The following SCAF1 variants were observed in gnomAD, a reference collection of about 807,000 sequenced individuals.
The protein encoded by SCAF1 is splicing factor, arginine/serine-rich 19.
Under a neutral mutation model 91.2 loss-of-function variants are expected in SCAF1, and 28 were observed. That is an observed-to-expected ratio of 0.31 (90% CI 0.23 to 0.42). The LOEUF (loss-of-function observed/expected upper bound fraction) is 0.42, where lower values mean the gene tolerates loss of function less well. SCAF1 is among the 10% of genes least tolerant of loss of function. SCAF1 has a pLI of 1.00. For missense variants in SCAF1, 1,893 were observed against 1,872.1 expected (o/e 1.01, Z -0.21); for synonymous variants, 1,036 against 833.7 (o/e 1.24, Z -4.18).
rs1329165246 is a variant in SCAF1 at position 49,652,695 on chromosome 19, G to A, written c.2306G>A (p.Arg769His). 1.1e-5 allele frequency: 18 copies of A among 1,573,904 alleles called. No individual in the cohort carries two copies. Among genetic ancestry groups the A allele is most frequent in the Non-Finnish European group, 1.6e-5 (18 of 1,159,886 alleles). Residue 769 changes from arginine (R) to histidine (H), a missense_variant, in exon 7 of 11, where the codon CGT becomes CAT. Arg to His is a conservative substitution (Grantham distance 29). Coordinates refer to ENST00000360565, the MANE Select transcript of SCAF1 (RefSeq NM_021228.3). The stretch of plus-strand genomic sequence containing the variant: ...TCCTCTTCCCGGGAGAAGGGGTCTC[G>A]TCGGAAGGCGCTGGACGGGGGTGAC... ...SSSSSREKGS[R>H]RKALDGGDRD...
chr19:49,657,500 C>G (rs142653791), intron 9 of SCAF1, among the ~76,000 whole-genome samples: 1 of 152,256 alleles, frequency 6.6e-6, no homozygotes, highest in Non-Finnish European at 1.5e-5. Flanking sequence ...CACACATGTC[C>G]TGGTCCCGGC....
Position 49,645,161 on chromosome 19 carries a change from A to G in SCAF1, c.108+27A>G. ...TGAGGCTGCTGGGCTCCTGGCACTG[A>G]GGGATGGAGGAGCTGGGCATCCACA... is the stretch of plus-strand genomic sequence containing the variant. On this transcript the variant is annotated intron_variant, in intron 2 of 10. Transcript: ENST00000360565. This position sits in a 1 kb window ranked among gnomAD's most constrained non-coding sequence, Gnocchi z 4.6. The G allele has an allele frequency of 1.3e-6, 2 of 1,597,154 alleles. No homozygotes were observed. Among genetic ancestry groups the G allele is most frequent in the Non-Finnish European group, 8.6e-7 (1 of 1,165,188 alleles).
chr19:49,651,731 T>G lies in SCAF1; in HGVS notation c.1342T>G (p.Ser448Ala). The G allele has an allele frequency of 7.3e-7, 1 of 1,366,460 alleles. No homozygotes were observed. The highest frequency in any genetic ancestry group is 9.3e-7 in the Non-Finnish European group (1 of 1,069,692). The allele number at this position is 1,366,460 out of a possible 1,614,324, so 84.6% of individuals were successfully genotyped here. The change falls in exon 7 of 11, where the codon TCC becomes GCC. Residue 448 changes from serine (S) to alanine (A), a missense_variant. Ser to Ala is a moderately conservative substitution (Grantham distance 99). Around this residue, in one of 5 missense-constraint regions of SCAF1, gnomAD observed 1,436 missense variants for 1,306.8 expected, o/e 1.10. Coordinates refer to ENST00000360565, the MANE Select transcript of SCAF1 (RefSeq NM_021228.3). Reference sequence around the variant, plus strand: ...GGCCCCCGAGGGGGACGACTTCTTGTCCCTGCATGCGGAGTCGGACGGCGA... The same window carrying G: ...GGCCCCCGAGGGGGACGACTTCTTGGCCCTGCATGCGGAGTCGGACGGCGA... ...PRAPEGDDFL[S>A]LHAESDGEGA...
Position 49,650,913 on chromosome 19 carries a change from T to C in SCAF1, c.524T>C (p.Leu175Pro), listed in dbSNP as rs1359679637. Residue 175 changes from leucine to proline, a missense_variant, in exon 7 of 11, where the codon CTC becomes CCC. By Grantham distance (98) the Leu-to-Pro change is moderately conservative (BLOSUM62 -3). Around this residue, in one of 5 missense-constraint regions of SCAF1, gnomAD observed 270 missense variants for 292.5 expected, o/e 0.92. Coordinates refer to ENST00000360565, the MANE Select transcript of SCAF1 (RefSeq NM_021228.3). ...TCTAGGCCCACCTGTGCCCGTCACC[T>C]CACCTTGGGCACGGGAGACGGGGGC... ...NSSRPTCARH[L>P]TLGTGDGGPA... 2 of 1,609,794 alleles carry C rather than the reference T, an allele frequency of 1.2e-6. No homozygotes were observed. Among genetic ancestry groups the C allele is most frequent in the South Asian group, 1.1e-5 (1 of 90,534 alleles).
At chr19:49,650,527 GCCAGGGTACATTGC>G (rs2081078990) in intron 6 of SCAF1, among the ~76,000 whole-genome samples, 1 of 152,126 alleles carries the variant, frequency 6.6e-6, no homozygotes, top group Admixed American at 6.5e-5. Flanking sequence ...TAGTTTCAAG[GCCAGGGTACATTGC>G]CCAGGGTCAG....
chr19:49,649,249 G>A (rs926279982), intron 6 of SCAF1, among the ~76,000 whole-genome samples: 21 of 151,872 alleles, frequency 1.4e-4, no homozygotes, highest in Admixed American at 2.6e-4. Context: ...TGTGGATCTC[G>A]CGTGTTTGCA....
At position 49,650,586 on chromosome 19, in the gene SCAF1, C is replaced by T. The variant is rs182351987; in HGVS notation, c.479-282C>T. Among the ~76,000 whole-genome samples the T allele has an allele frequency of 6.6e-5, 10 of 152,260 alleles. No homozygotes were observed. In the East Asian group the frequency reaches 1.9e-3, roughly 29 times the overall value. ...GTCTCAGGATATGGGAGTGCAGGTT[C>T]GGGGCCGCACTGACTGAGTTTACAC... is the stretch of plus-strand genomic sequence containing the variant. On this transcript the variant is annotated intron_variant, in intron 6 of 10. Transcript: ENST00000360565.
chr19:49,646,508 C>T lies in SCAF1; in HGVS notation c.262-18C>T. 6.2e-7 allele frequency: 1 copy of T among 1,608,048 alleles called. No homozygotes were observed. On this transcript the variant is annotated intron_variant, in intron 4 of 10. Transcript: ENST00000360565. This position sits in a 1 kb window ranked among gnomAD's most constrained non-coding sequence, Gnocchi z 5.6. Reference sequence around the variant, plus strand: ...CATGTGACCAGGGACGGCGTAGAGCCTCTCTGGCCTCTTCCAGGTGTTGGA... The same window carrying T: ...CATGTGACCAGGGACGGCGTAGAGCTTCTCTGGCCTCTTCCAGGTGTTGGA...
Position 49,646,569 on chromosome 19 carries a change from G to A in SCAF1, c.305G>A (p.Ser102Asn). The change falls in exon 5 of 11, where the codon AGT (serine) becomes AAT (asparagine). Residue 102 changes from serine (S) to asparagine (N), a missense_variant. Physicochemically the swap from Ser to Asn is conservative, Grantham distance 46. This residue lies in a region of SCAF1 where 270 missense variants were observed against 292.5 expected (regional missense o/e 0.92). Transcript: ENST00000360565. The surrounding 1 kb of genome is among the most constrained non-coding windows in gnomAD (Gnocchi z 5.6). The stretch of plus-strand genomic sequence containing the variant: ...GACAGCTTCCTCGCAGGGCTGGTGA[G>A]TGTCCTGGATCCCCCGGATACCTGG... ...ATDSFLAGLV[S>N]VLDPPDTWVP... is the part of the protein sequence containing the mutation. The A allele has an allele frequency of 1.9e-6, 3 of 1,614,114 alleles. No individual in the cohort carries two copies. Among genetic ancestry groups the A allele is most frequent in the African/African-American group, 2.7e-5 (2 of 75,022 alleles).
chr19:49,643,378 C>T (rs2081037886), intron 1 of SCAF1, among the ~76,000 whole-genome samples: 1 of 152,152 alleles, frequency 6.6e-6, no homozygotes, highest in East Asian at 1.9e-4. Context: ...ACTCACCTTC[C>T]ACGAATTGAC....
intron 1 of SCAF1, 166 bp from the exon 2 acceptor site, chr19:49,644,855 G>C (rs893946375): frequency 4.2e-5 from 25 of 588,750 alleles, no homozygotes; most frequent in Non-Finnish European, 7.3e-5. Flanking sequence ...TGGGTCCAGC[G>C]CCCACCCAAG....
Position 49,653,128 on chromosome 19 carries a change from G to T in SCAF1, c.2739G>T (p.Gly913=). The T allele has an allele frequency of 6.2e-7, 1 of 1,611,076 alleles. No homozygotes were observed. Among genetic ancestry groups the T allele is most frequent in the Non-Finnish European group, 8.5e-7 (1 of 1,178,728 alleles). ...KAKAGAKKTK[G]TKGKTKPSKT... ...AGGCAGGGGCCAAGAAAACCAAGGGGACCAAGGGAAAGACCAAGCCATCCA... is the reference window on the plus strand; with the variant it reads ...AGGCAGGGGCCAAGAAAACCAAGGGTACCAAGGGAAAGACCAAGCCATCCA... The change falls in exon 7 of 11, where the codon GGG becomes GGT. Residue 913 remains glycine, a synonymous_variant. Transcript: ENST00000360565.
chr19:49,641,972 A>G (rs2081028732), upstream of SCAF1, among the ~76,000 whole-genome samples: 1 of 151,604 alleles, frequency 6.6e-6, no homozygotes, highest in African/African-American at 2.4e-5. Context: ...TTCACCTCTC[A>G]CCCCATTAGC....
intron 6 of SCAF1, among the ~76,000 whole-genome samples, chr19:49,648,986 A>G (rs2081070873): frequency 1.3e-5 from 2 of 151,952 alleles, no homozygotes; most frequent in Non-Finnish European, 2.9e-5. Context: ...AAAAAAAAAA[A>G]AAATCAGAAG....
chr19:49,655,736 C>T (rs2081134969), intron 9 of SCAF1, among the ~76,000 whole-genome samples: 1 of 152,194 alleles, frequency 6.6e-6, no homozygotes, highest in African/African-American at 2.4e-5. Context: ...ACAGTCACAG[C>T]TCACTGTAGC....
chr19:49,654,804 G>A lies in SCAF1; in HGVS notation c.3552G>A (p.Gly1184=), dbSNP rs753454479. Reference sequence around the variant, plus strand: ...GTTCGACCCCCCCCACCCCCACCGGGCTGGCTGCCACGTCTGACAAGAGAG... The same window carrying A: ...GTTCGACCCCCCCCACCCCCACCGGACTGGCTGCCACGTCTGACAAGAGAG... ...GCGSTPPTPT[G]LAATSDKREG... is the part of the protein sequence containing the mutation. The change falls in exon 9 of 11, where the codon GGG becomes GGA. Residue 1184 remains glycine (G), a synonymous_variant. Coordinates refer to ENST00000360565, the MANE Select transcript of SCAF1 (RefSeq NM_021228.3). The A allele has an allele frequency of 1.2e-6, 2 of 1,612,618 alleles. No individual in the cohort carries two copies. The highest frequency in any genetic ancestry group is 3.3e-5 in the Admixed American group (2 of 59,966).
rs769551125 is a variant in SCAF1, at chr19:49,652,658, G to T, written c.2269G>T (p.Ala757Ser). Residue 757 changes from alanine (A) to serine (S), a missense_variant, in exon 7 of 11, where the codon GCC (alanine) becomes TCC (serine). Ala to Ser is a moderately conservative substitution (Grantham distance 99, BLOSUM62 1). Coordinates refer to ENST00000360565, the MANE Select transcript of SCAF1 (RefSeq NM_021228.3). ...SQKDRRRSGA[A>S]SSSSSSREKG... ...GAAGGATCGGCGCCGCTCGGGGGCCGCCTCCTCCTCCTCCTCTTCCCGGGA... is the reference window on the plus strand; with the variant it reads ...GAAGGATCGGCGCCGCTCGGGGGCCTCCTCCTCCTCCTCCTCTTCCCGGGA... 8 of 1,560,760 alleles carry T rather than the reference G, an allele frequency of 5.1e-6. No individual in the cohort carries two copies.
In SCAF1 at chr19:49,653,818, A is replaced by G. The variant is rs138469698; in HGVS notation, c.3316+113A>G. The G allele has an allele frequency of 1.0e-3, 1,091 of 1,057,432 alleles. 12 individuals carry two copies. The African/African-American group carries it at 0.016, about 15-fold the overall frequency. The allele number at this position is 1,057,432 out of a possible 1,614,324, so 65.5% of individuals were successfully genotyped here. On this transcript the variant is annotated intron_variant, in intron 7 of 10. Coordinates refer to ENST00000360565, the MANE Select transcript of SCAF1 (RefSeq NM_021228.3). ...CTGGCAGGGAGAGGTTTATAGGGAC[A>G]TAGACTGGGAGGGTGGGGGTGAGTA...
chr19:49,643,179 GAGTT>G lies in SCAF1; in HGVS notation c.-7+940_-7+943del, dbSNP rs1307249078. ...TGCATTACCCTGGGGGTTATTGAGA[GAGTT>G]AGAATTAATCTACATTAGTCTGGAA... On this transcript the variant is annotated intron_variant, in intron 1 of 10. Coordinates refer to ENST00000360565, the MANE Select transcript of SCAF1 (RefSeq NM_021228.3). Among the ~76,000 whole-genome samples the G allele has an allele frequency of 2.0e-5, 3 of 152,200 alleles. No homozygotes were observed. In the East Asian group the frequency reaches 5.8e-4, roughly 29 times the overall value.
Sources: allele counts gnomAD v4.1 joint callset (sites outside exome capture counted in the v4.1 genomes callset), GRCh38; gene constraint gnomAD v4.1.1; regional missense constraint gnomAD v4.1.1; non-coding constraint Gnocchi (gnomAD v3.1); transcripts MANE v1.5; gene names NCBI Gene and HGNC (gene_info 2026-07-23, HGNC 2026-07-21).